The following COLEC10 variants were observed in gnomAD, a reference collection of about 807,000 sequenced individuals.
COLEC10 encodes the protein collectin-10.
Under a neutral mutation model 28.4 loss-of-function variants are expected in COLEC10, and 22 were observed. The observed-to-expected ratio is 0.78, with a 90% CI of 0.55 to 1.11. COLEC10 has a LOEUF of 1.11. Among genes scored for constraint, COLEC10 ranks in the 50% least tolerant of loss-of-function variants. The pLI is 0.00. For missense variants in COLEC10, 361 were observed against 344.1 expected, an observed-to-expected ratio of 1.05 and a Z score of -0.39; for synonymous variants, 125 against 116.1, an observed-to-expected ratio of 1.08 and a Z score of -0.49.
intron 5 of COLEC10, among the ~76,000 whole-genome samples, chr8:119,105,432 C>T (rs781747811): frequency 6.8e-4 from 103 of 152,100 alleles, no homozygotes; most frequent in Non-Finnish European, 1.3e-3. Context: ...GCATAAAAGG[C>T]TTGGAAGTAT....
chr8:118,956,458 A>C, the COLEC10 span, among the ~76,000 whole-genome samples: 1 of 152,184 alleles, frequency 6.6e-6, no homozygotes, highest in African/African-American at 2.4e-5. Flanking sequence ...TTGGGAAATA[A>C]GGAAAAATGA....
intron 1 of COLEC10, among the ~76,000 whole-genome samples, chr8:119,082,782 T>C (rs1160268337): frequency 1.3e-5 from 2 of 152,230 alleles, no homozygotes; most frequent in Non-Finnish European, 2.9e-5. Flanking sequence ...GCTTATTTTC[T>C]TTGTATTTAC....
intron 3 of COLEC10, among the ~76,000 whole-genome samples, chr8:119,099,432 A>C (rs1011174765): frequency 9.2e-5 from 14 of 152,142 alleles, no homozygotes; most frequent in Middle Eastern, 3.4e-3. Flanking sequence ...TATTCTCCTT[A>C]ATGATCTCAT....
At chr8:119,043,355 A>T (rs1232517619) in intron 2 of COLEC10, among the ~76,000 whole-genome samples, 1 of 152,210 alleles carries the variant, frequency 6.6e-6, no homozygotes, top group African/African-American at 2.4e-5. Context: ...AAGCCAGAGA[A>T]TTTGCCTAAA....
intron 3 of COLEC10, among the ~76,000 whole-genome samples, 154 bp downstream of exon 3, chr8:119,091,374 C>T (rs1007255652): frequency 9.0e-5 from 10 of 111,692 alleles, no homozygotes; most frequent in African/African-American, 4.2e-4. Flanking sequence ...ACAGCAAGAC[C>T]CAATCTCTAC....
intron 2 of COLEC10, among the ~76,000 whole-genome samples, chr8:119,037,666 A>G (rs1435892033): frequency 6.6e-6 from 1 of 152,148 alleles, no homozygotes; most frequent in Non-Finnish European, 1.5e-5. Context: ...TATTTAAATG[A>G]CCTTCTAGTC....
chr8:118,967,637 C>T, the COLEC10 span, among the ~76,000 whole-genome samples: 1 of 152,084 alleles, frequency 6.6e-6, no homozygotes, highest in African/African-American at 2.4e-5. Flanking sequence ...ATTGTTATTT[C>T]AGGCTGCTCA....
chr8:119,081,844 G>A (rs186044670), intron 1 of COLEC10, among the ~76,000 whole-genome samples: 29 of 152,242 alleles, frequency 1.9e-4, no homozygotes, highest in African/African-American at 4.8e-4. Context: ...GTAGAATGGT[G>A]GAAATATGAT....
intron 3 of COLEC10, among the ~76,000 whole-genome samples, chr8:119,095,299 A>G (rs1815688946): frequency 6.6e-6 from 1 of 152,236 alleles, no homozygotes; most frequent in South Asian, 2.1e-4. Context: ...ATTAAAGAAT[A>G]TCTAAGGTAA....
At chr8:118,987,019 G>C in the COLEC10 span, among the ~76,000 whole-genome samples, 22 of 151,856 alleles carry the variant, frequency 1.4e-4, no homozygotes. Context: ...ACTTTTAAAA[G>C]ATTAATTTTA....
chr8:119,068,378 G>A (rs188900031), intron 1 of COLEC10: 88 of 152,218 alleles, frequency 5.8e-4, no homozygotes, highest in African/African-American at 2.0e-3. Flanking sequence ...CCTTTGATAC[G>A]ATAAAATAAA....
chr8:119,101,531 G>C (rs186366031), intron 3 of COLEC10, among the ~76,000 whole-genome samples: 1 of 152,276 alleles, frequency 6.6e-6, no homozygotes, highest in Admixed American at 6.5e-5. Flanking sequence ...GGATACCTGT[G>C]AGTGAGAAAA....
At chr8:119,035,922 C>A (rs1163640075) in intron 2 of COLEC10, among the ~76,000 whole-genome samples, 2 of 152,008 alleles carry the variant, frequency 1.3e-5, no homozygotes, top group Non-Finnish European at 2.9e-5. Flanking sequence ...GTTTAAGGTA[C>A]CAGTGTTGTT....
At chr8:118,978,974 T>G in the COLEC10 span, among the ~76,000 whole-genome samples, 1 of 152,044 alleles carries the variant, frequency 6.6e-6, no homozygotes, top group Non-Finnish European at 1.5e-5. Context: ...ATCTTCTGAT[T>G]TTATTTATGG....
the COLEC10 span, among the ~76,000 whole-genome samples, chr8:118,976,907 AAAAC>A: frequency 2.1e-4 from 32 of 151,914 alleles, no homozygotes; most frequent in African/African-American, 5.3e-4. Context: ...TTACAAGAAA[AAAAC>A]AAACAACCCC....
chr8:119,096,675 T>C (rs1370121817), intron 3 of COLEC10, among the ~76,000 whole-genome samples: 1 of 152,086 alleles, frequency 6.6e-6, no homozygotes, highest in African/African-American at 2.4e-5. Context: ...CAGAATTGGC[T>C]ATGTGCTACC....
At chr8:119,005,427 G>A (rs1408976506) in intron 1 of COLEC10, among the ~76,000 whole-genome samples, 1 of 152,110 alleles carries the variant, frequency 6.6e-6, no homozygotes. Context: ...GGGCTTCTCT[G>A]TCATCAAAGC....
At chr8:119,012,682 C>T (rs1813921555) in intron 2 of COLEC10, among the ~76,000 whole-genome samples, 1 of 150,564 alleles carries the variant, frequency 6.6e-6, no homozygotes, top group East Asian at 1.9e-4. Context: ...TTTATTTCTT[C>T]TTGTGTGAGT....
chr8:119,068,535 T>C (rs1815019586), intron 1 of COLEC10: 1 of 152,190 alleles, frequency 6.6e-6, no homozygotes, highest in Non-Finnish European at 1.5e-5. Context: ...CCTTAGAGTA[T>C]AGGAAACTTT....
Sources: gnomAD v4.1 joint callset for allele counts (sites outside exome capture counted in the v4.1 genomes callset) on GRCh38, gnomAD v4.1.1 for gene constraint, MANE v1.5 for transcripts, NCBI Gene and HGNC (gene_info 2026-07-23, HGNC 2026-07-21) for gene names.